CACNA2D1: variants seen among roughly 807,000 people sequenced by gnomAD.
CACNA2D1 encodes the protein voltage-dependent calcium channel subunit alpha-2/delta-1.
A neutral mutation model predicts 171.5 loss-of-function variants in CACNA2D1; 53 were observed. That is an observed-to-expected ratio of 0.31 (90% CI 0.25 to 0.39). The LOEUF (loss-of-function observed/expected upper bound fraction) is 0.39. Among genes scored for constraint, CACNA2D1 ranks in the 10% least tolerant of loss-of-function variants. CACNA2D1 has a pLI of 1.00. For missense variants in CACNA2D1, 903 were observed against 1,299.8 expected (o/e 0.69, Z 4.69); for synonymous variants, 442 against 443.1 (o/e 1.00, Z 0.03).
rs1169800337 is a variant in CACNA2D1 at position 82,060,179 on chromosome 7, ATATATATATATTATATATATAT to A, written c.879+227_879+248del. ...TATATATATATAATATATATATATA[ATATATATATATTATATATATAT>A]TATATATATAATATATATATAATAT... On this transcript the variant is annotated intron_variant, in intron 10 of 38. Coordinates refer to ENST00000356860, the MANE Select transcript of CACNA2D1 (RefSeq NM_000722.4). Among the ~76,000 whole-genome samples, 51 of 23,326 alleles carry A rather than the reference ATATATATATATTATATATATAT, an allele frequency of 2.2e-3. 10 individuals are homozygous for A. In the East Asian group the frequency reaches 0.059, roughly 27 times the overall value. The allele number at this position is 23,326 out of a possible 152,430, so 15.3% of individuals were successfully genotyped here. A position where few individuals can be genotyped will look rare whatever the true frequency, so the allele number is the denominator to read the frequency against.
chr7:82,382,392 A>G (rs1221953254), intron 1 of CACNA2D1, among the ~76,000 whole-genome samples: 4 of 152,226 alleles, frequency 2.6e-5, no homozygotes, highest in African/African-American at 9.7e-5. Flanking sequence ...GTCTGAAGTC[A>G]TTCCCAGATT....
At chr7:82,332,520 AAGAAAG>A (rs1392031700) in intron 3 of CACNA2D1, among the ~76,000 whole-genome samples, 6 of 90,224 alleles carry the variant, frequency 6.7e-5, no homozygotes, top group Admixed American at 2.2e-4. Flanking sequence ...TAAAGAAAGA[AAGAAAG>A]AAAGAAAGAA....
At chr7:82,167,677 G>T (rs1795596053) in intron 4 of CACNA2D1, among the ~76,000 whole-genome samples, 3 of 152,076 alleles carry the variant, frequency 2.0e-5, no homozygotes, top group Admixed American at 2.0e-4. Flanking sequence ...ACAGACCTGT[G>T]TCCTGTCAAC....
chr7:82,393,071 AAGGAAGGAAGGAAGGCAGGCAGGCAGGC>A (rs1563483083), intron 1 of CACNA2D1, among the ~76,000 whole-genome samples: 1 of 125,268 alleles, frequency 8.0e-6, no homozygotes, highest in African/African-American at 3.4e-5. Flanking sequence ...GGAAGGAAGG[AAGGAAGGAAGGAAGGCAGGCAGGCAGGC>A]AGGCAGGCAG....
intron 12 of CACNA2D1, among the ~76,000 whole-genome samples, chr7:82,016,619 C>A (rs1425129411): frequency 4.0e-5 from 5 of 124,504 alleles, no homozygotes; most frequent in Admixed American, 8.1e-5. Context: ...CGCCCCCCCC[C>A]CCCAAAAAAA....
rs529733767 is a variant in CACNA2D1, at chr7:82,188,012, C to T, written c.295-17403G>A. Among the ~76,000 whole-genome samples, 34 of 152,216 alleles carry T rather than the reference C, an allele frequency of 2.2e-4. No individual in the cohort carries two copies. The South Asian group carries it at 7.1e-3, about 32-fold the overall frequency. ...CCACTTATTATATCTAATCTCTATA[C>T]CATATTTTCTCCTTCTATAAAATAG... On this transcript the variant is annotated intron_variant, in intron 3 of 38. Coordinates refer to ENST00000356860, the MANE Select transcript of CACNA2D1 (RefSeq NM_000722.4).
rs146314552 is a variant in CACNA2D1 at position 82,004,663 on chromosome 7, C to A, written c.1590+760G>T. ...CATAAGTCTGCATGGTTTAAAGGATCTTCAACATTATCTTCAAAGTATAAC... is the reference window on the plus strand; with the variant it reads ...CATAAGTCTGCATGGTTTAAAGGATATTCAACATTATCTTCAAAGTATAAC... On this transcript the variant is annotated intron_variant, in intron 18 of 38. Transcript: ENST00000356860. Among the ~76,000 whole-genome samples, 118 of 152,168 alleles carry A rather than the reference C, an allele frequency of 7.8e-4. 1 individual carries two copies. In the Middle Eastern group the frequency reaches 0.01, roughly 13 times the overall value.
Position 81,970,667 on chromosome 7 carries a change from G to A in CACNA2D1, c.2204+8C>T. 6.7e-7 allele frequency: 1 copy of A among 1,496,986 alleles called. No individual in the cohort carries two copies. The highest frequency in any genetic ancestry group is 9.3e-7 in the Non-Finnish European group (1 of 1,073,824). The allele number at this position is 1,496,986 out of a possible 1,614,324, so 92.7% of individuals were successfully genotyped here. A position where few individuals can be genotyped will look rare whatever the true frequency, so the allele number is the denominator to read the frequency against. Reference sequence around the variant, plus strand: ...GTACTTGTTTTTACAGATGTTATTTGAACTTACTCTTTGGGATAAACTCTG... The same window carrying A: ...GTACTTGTTTTTACAGATGTTATTTAAACTTACTCTTTGGGATAAACTCTG... On this transcript the variant is annotated splice_region_variant and intron_variant, in intron 27 of 38. Coordinates refer to ENST00000356860, the MANE Select transcript of CACNA2D1 (RefSeq NM_000722.4).
chr7:82,354,576 T>C (rs1191929679), intron 1 of CACNA2D1, among the ~76,000 whole-genome samples: 46 of 152,194 alleles, frequency 3.0e-4, no homozygotes, highest in Admixed American at 3.0e-3. Context: ...TCTATTTCCT[T>C]TGTAATGAAG....
At chr7:82,200,799 T>C (rs575578085) in intron 3 of CACNA2D1, among the ~76,000 whole-genome samples, 2 of 152,248 alleles carry the variant, frequency 1.3e-5, no homozygotes, top group African/African-American at 4.8e-5. Flanking sequence ...TGTGAAACCA[T>C]AGAGTGATTT....
At chr7:81,957,524 G>T (rs554402444) in intron 38 of CACNA2D1, among the ~76,000 whole-genome samples, 1 of 152,006 alleles carries the variant, frequency 6.6e-6, no homozygotes. Flanking sequence ...GTACAGGCAC[G>T]ACTCGTTGTG....
intron 6 of CACNA2D1, among the ~76,000 whole-genome samples, chr7:82,096,138 G>A (rs1369333302): frequency 6.6e-6 from 1 of 152,082 alleles, no homozygotes; most frequent in Non-Finnish European, 1.5e-5. Flanking sequence ...ACGAGAATAG[G>A]CACACTTTTT....
intron 18 of CACNA2D1, among the ~76,000 whole-genome samples, chr7:81,998,171 T>A (rs1798241836): frequency 6.6e-6 from 1 of 151,994 alleles, no homozygotes; most frequent in African/African-American, 2.4e-5. Context: ...TAACATGTCA[T>A]ACTAAAATTT....
In CACNA2D1 at chr7:82,131,093, C is replaced by T. The variant is rs569001247; in HGVS notation, c.396+5542G>A. Reference sequence around the variant, plus strand: ...CTGGGATTACAGGCATGAGCCACCGCGCCGGCCAGCTCTTATAAACTAAAT... The same window carrying T: ...CTGGGATTACAGGCATGAGCCACCGTGCCGGCCAGCTCTTATAAACTAAAT... On this transcript the variant is annotated intron_variant, in intron 5 of 38. Coordinates refer to ENST00000356860, the MANE Select transcript of CACNA2D1 (RefSeq NM_000722.4). Among the ~76,000 whole-genome samples the T allele has an allele frequency of 3.0e-3, 457 of 152,244 alleles. 5 individuals are homozygous for T. The highest frequency in any genetic ancestry group is 0.029 in the South Asian group (139 of 4,816).
chr7:82,279,027 C>T (rs1274981204), intron 3 of CACNA2D1, among the ~76,000 whole-genome samples: 8 of 152,188 alleles, frequency 5.3e-5, no homozygotes, highest in Admixed American at 5.2e-4. Context: ...CCCTCAGCCA[C>T]CCATCCCAGC....
intron 3 of CACNA2D1, among the ~76,000 whole-genome samples, chr7:82,209,997 C>A (rs540624220): frequency 7.9e-5 from 12 of 152,024 alleles, no homozygotes; most frequent in Non-Finnish European, 1.8e-4. Flanking sequence ...TCACTATGTA[C>A]CAGAATTCTT....
At chr7:82,288,214 C>T (rs1056331750) in intron 3 of CACNA2D1, among the ~76,000 whole-genome samples, 18 of 151,942 alleles carry the variant, frequency 1.2e-4, no homozygotes, top group African/African-American at 4.4e-4. Context: ...GCATCCATTC[C>T]AGTATTAAAA....
intron 3 of CACNA2D1, among the ~76,000 whole-genome samples, chr7:82,184,163 T>C (rs1055620042): frequency 8.2e-5 from 10 of 121,290 alleles, no homozygotes; most frequent in African/African-American, 2.9e-4. Flanking sequence ...GAAACATCGG[T>C]TTCCTCTTTT....
chr7:82,059,781 T>C (rs555656799), intron 10 of CACNA2D1, among the ~76,000 whole-genome samples: 1 of 150,506 alleles, frequency 6.6e-6, no homozygotes, highest in African/African-American at 2.4e-5. Context: ...ATTAAGAAAA[T>C]GTGGCACATA....
Sources: allele counts gnomAD v4.1 joint callset (sites outside exome capture counted in the v4.1 genomes callset), GRCh38; gene constraint gnomAD v4.1.1; transcripts MANE v1.5; gene names NCBI Gene and HGNC (gene_info 2026-07-23, HGNC 2026-07-21).